The following HDHD5 variants were observed in gnomAD, a reference collection of about 807,000 sequenced individuals.
The protein encoded by HDHD5 is haloacid dehalogenase like hydrolase domain containing 5, also known as haloacid dehalogenase-like hydrolase domain-containing 5.
In HDHD5, 34 loss-of-function variants were observed where a neutral mutation model predicts 35.5. The ratio of observed to expected loss-of-function variants is 0.96; its 90% CI spans 0.73 to 1.28. The LOEUF is 1.28. Among genes scored for constraint, HDHD5 ranks in the 50% most tolerant of loss-of-function variants. HDHD5 has a pLI of 0.00. For synonymous variants in HDHD5, 248 were observed against 240.6 expected, an observed-to-expected ratio of 1.03 and a Z score of -0.29; for missense variants, 589 against 560.2, an observed-to-expected ratio of 1.05 and a Z score of -0.52.
At chr22:17,143,222 G>T in intron 4 of HDHD5, 91 bp from the exon 5 acceptor site, 1 of 1,405,978 alleles carries the variant, frequency 7.1e-7, no homozygotes. Context: ...GGGAGGGGAG[G>T]GGAGACACAC....
At chr22:17,149,776 G>A (rs1424502472) in intron 1 of HDHD5, 31 bp from the exon 2 acceptor site, 16 of 1,587,566 alleles carry the variant, frequency 1.0e-5, no homozygotes, top group African/African-American at 5.4e-5. Flanking sequence ...TTACCAGTAC[G>A]TGAGTAACAA....
chr22:17,155,312 C>T (rs1310769468), intron 1 of HDHD5, among the ~76,000 whole-genome samples: 3 of 149,154 alleles, frequency 2.0e-5, no homozygotes, highest in Non-Finnish European at 4.4e-5. Context: ...GTGGTGCAAT[C>T]TCGACTCACT....
chr22:17,148,469 G>C lies in HDHD5; in HGVS notation c.422C>G (p.Pro141Arg), dbSNP rs1454636824. ...EKRMLVSGQGPVMENAQGLGF... is the reference protein window; with the variant it reads ...EKRMLVSGQGRVMENAQGLGF... ...ATACCCCTGGGCATTTTCCATCACG[G>C]GCCCCTGTCCAGACACCAGCATCCG... The change falls in exon 3 of 8, where the codon CCC (proline) becomes CGC (arginine). Residue 141 changes from proline (P) to arginine (R), a missense_variant. Coordinates refer to ENST00000336737, the MANE Select transcript of HDHD5 (RefSeq NM_033070.3). 1.2e-6 allele frequency: 2 copies of C among 1,613,974 alleles called. No individual in the cohort carries two copies. Among genetic ancestry groups the C allele is most frequent in the Non-Finnish European group, 1.7e-6 (2 of 1,179,980 alleles).
intron 1 of HDHD5, 135 bp from the exon 2 acceptor site, chr22:17,149,880 G>A (rs2123866960): frequency 7.6e-6 from 5 of 660,164 alleles, no homozygotes; most frequent in South Asian, 5.9e-5. Context: ...AAATGAAGAT[G>A]GGATTCTGAT....
At chr22:17,161,829 G>C (rs1188504993), upstream of HDHD5, among the ~76,000 whole-genome samples, 2 of 147,310 alleles carry the variant, frequency 1.4e-5, no homozygotes, top group African/African-American at 5.0e-5. Context: ...AGTGAGCCAA[G>C]ATTGTGCCAC....
rs2061553699 is a variant in HDHD5, at chr22:17,138,094, GC to G, written c.1198del (p.Ala400ProfsTer5). 3.1e-6 allele frequency: 5 copies of G among 1,613,958 alleles called. No individual in the cohort carries two copies. The highest frequency in any genetic ancestry group is 1.3e-5 in the African/African-American group (1 of 74,896). Reference protein sequence around the residue: ...DLCFSPGLMEASHVVNDVNEA... With the variant: ...DLCFSPGLMEXSHVVNDVNEA... Reference sequence around the variant, plus strand: ...ATTCACGTCATTCACCACGTGGGAGGCCTCCATGAGCCCTGGACTGAAGCAT... The same window carrying G: ...ATTCACGTCATTCACCACGTGGGAGGCTCCATGAGCCCTGGACTGAAGCAT... On this transcript the variant is annotated frameshift_variant, in exon 8 of 8. Transcript: ENST00000336737. LOFTEE classifies it high-confidence loss of function.
intron 1 of HDHD5, among the ~76,000 whole-genome samples, chr22:17,156,419 T>G (rs1207156656): frequency 6.6e-6 from 1 of 152,170 alleles, no homozygotes; most frequent in Non-Finnish European, 1.5e-5. Flanking sequence ...GAGACCAGTC[T>G]GGCCAACATG....
chr22:17,150,472 T>C (rs1220513680), intron 1 of HDHD5, among the ~76,000 whole-genome samples: 1 of 152,278 alleles, frequency 6.6e-6, no homozygotes, highest in African/African-American at 2.4e-5. Flanking sequence ...CATAGAATCA[T>C]GTTGACTTTG....
Position 17,145,094 on chromosome 22 carries a change from G to C in HDHD5, c.467C>G (p.Thr156Ser), listed in dbSNP as rs2061646555. 1 of 1,613,890 alleles carries C rather than the reference G, an allele frequency of 6.2e-7. No homozygotes were observed. Among genetic ancestry groups the C allele is most frequent in the South Asian group, 1.1e-5 (1 of 91,080 alleles). The change falls in exon 4 of 8, where the codon ACC (threonine) becomes AGC (serine). Residue 156 changes from threonine to serine, a missense_variant. By Grantham distance (58) the Thr-to-Ser change is moderately conservative. Transcript: ENST00000336737. ...AQGLGFRNVV[T>S]VDELRMAFPL... ...AAAGGCCATCCGCAGCTCATCCACG[G>C]TGACGACATTTCGGAAGCCCAGTCT...
At chr22:17,143,708 G>C (rs943033102) in intron 4 of HDHD5, 2 of 152,424 alleles carry the variant, frequency 1.3e-5, no homozygotes, top group Non-Finnish European at 2.9e-5. Context: ...ACAGGTCAGG[G>C]AGAAAGCCCT....
intron 1 of HDHD5, among the ~76,000 whole-genome samples, chr22:17,152,066 TAGAC>T (rs748495256): frequency 6.6e-6 from 1 of 151,964 alleles, no homozygotes; most frequent in African/African-American, 2.4e-5. Flanking sequence ...AGAAGACAAT[TAGAC>T]AGGCAGCCCC....
At chr22:17,138,801 G>T in intron 6 of HDHD5, 63 bp from the exon 7 acceptor site, 1 of 1,571,656 alleles carries the variant, frequency 6.4e-7, no homozygotes. Context: ...TAGAGAACAC[G>T]ACTGCCACTG....
chr22:17,148,162 G>A (rs1555879913), intron 3 of HDHD5, among the ~76,000 whole-genome samples: 1 of 152,184 alleles, frequency 6.6e-6, no homozygotes, highest in Non-Finnish European at 1.5e-5. Flanking sequence ...AGATTCCTGA[G>A]TTTTACCCGA....
At chr22:17,162,555 A>G (rs1317343139), upstream of HDHD5, among the ~76,000 whole-genome samples, 1 of 152,114 alleles carries the variant, frequency 6.6e-6, no homozygotes, top group Non-Finnish European at 1.5e-5. Flanking sequence ...CTGTTGTTTT[A>G]GTTGGTTTGG....
At chr22:17,141,002 C>T in intron 6 of HDHD5, 57 bp downstream of exon 6, 1 of 1,477,656 alleles carries the variant, frequency 6.8e-7, no homozygotes, top group Non-Finnish European at 9.0e-7. Flanking sequence ...GCAGGACTGC[C>T]CAGGCAGCAG....
intron 2 of HDHD5, 101 bp downstream of exon 2, chr22:17,149,441 G>A: frequency 9.0e-7 from 1 of 1,114,522 alleles, no homozygotes; most frequent in South Asian, 1.4e-5. Context: ...AGGACTAGGT[G>A]ATTCCATATC....
intron 5 of HDHD5, chr22:17,141,540 C>T (rs1206807557): frequency 1.1e-5 from 13 of 1,191,150 alleles, no homozygotes; most frequent in Admixed American, 5.0e-5. Flanking sequence ...CTGGCTGGGA[C>T]TCTGCCACCA....
chr22:17,157,602 G>C (rs1262823187), intron 1 of HDHD5, among the ~76,000 whole-genome samples: 1 of 152,196 alleles, frequency 6.6e-6, no homozygotes, highest in Non-Finnish European at 1.5e-5. Context: ...AGAGATGCTA[G>C]AGCCAATACA....
chr22:17,140,445 C>T (rs917458863), intron 6 of HDHD5, among the ~76,000 whole-genome samples: 6 of 152,086 alleles, frequency 3.9e-5, no homozygotes, highest in Non-Finnish European at 8.8e-5. Flanking sequence ...CCTTGGCCGG[C>T]ATGATGGAGC....
Sources: gnomAD v4.1 joint callset for allele counts (sites outside exome capture counted in the v4.1 genomes callset) on GRCh38, gnomAD v4.1.1 for gene constraint, MANE v1.5 for transcripts, NCBI Gene and HGNC (gene_info 2026-07-23, HGNC 2026-07-21) for gene names.